The following PUM2 variants were observed in gnomAD, a reference collection of about 807,000 sequenced individuals.
The protein encoded by PUM2 is pumilio homolog 2.
Under a neutral mutation model 124.5 loss-of-function variants are expected in PUM2, and 57 were observed. The ratio of observed to expected loss-of-function variants is 0.46; its 90% confidence interval spans 0.37 to 0.57. The LOEUF (loss-of-function observed/expected upper bound fraction) is 0.57. Ranked by LOEUF, PUM2 falls within the 20% of genes least tolerant of loss-of-function variation. The pLI is 0.00. For missense variants in PUM2, 1,065 were observed against 1,290.6 expected (o/e 0.83, Z 2.68); for synonymous variants, 460 against 446.1 (o/e 1.03, Z -0.39).
intron 1 of PUM2, among the ~76,000 whole-genome samples, chr2:20,348,166 T>C (rs1178387607): frequency 6.7e-6 from 1 of 150,000 alleles, no homozygotes; most frequent in African/African-American, 2.5e-5. Flanking sequence ...ATATTAAAAA[T>C]TAATAATAAT....
chr2:20,257,691 T>C (rs1665145972), intron 16 of PUM2, among the ~76,000 whole-genome samples: 1 of 152,202 alleles, frequency 6.6e-6, no homozygotes, highest in Non-Finnish European at 1.5e-5. Flanking sequence ...TGATCAACAA[T>C]TCCTTTATTA....
intron 13 of PUM2, among the ~76,000 whole-genome samples, chr2:20,277,019 A>T (rs1417106932): frequency 1.3e-5 from 2 of 152,108 alleles, no homozygotes; most frequent in East Asian, 3.9e-4. Flanking sequence ...CTGTTCAATC[A>T]TAGAGACATC....
chr2:20,289,334 G>T (rs147629947), intron 10 of PUM2, among the ~76,000 whole-genome samples: 24 of 152,100 alleles, frequency 1.6e-4, no homozygotes, highest in African/African-American at 5.5e-4. Context: ...TCCTCTCTCC[G>T]TTCTACATAT....
chr2:20,302,390 T>G (rs1677211991), intron 7 of PUM2, among the ~76,000 whole-genome samples: 1 of 152,230 alleles, frequency 6.6e-6, no homozygotes, highest in Non-Finnish European at 1.5e-5. Context: ...TTTAAAAATT[T>G]TGTTTTAATC....
intron 14 of PUM2, among the ~76,000 whole-genome samples, chr2:20,261,729 T>C (rs1220729115): frequency 6.6e-6 from 1 of 152,234 alleles, no homozygotes; most frequent in Admixed American, 6.5e-5. Flanking sequence ...GTGTCTTAGT[T>C]CTTAACAAAA....
chr2:20,306,982 G>C (rs953664515), intron 7 of PUM2, among the ~76,000 whole-genome samples: 1 of 151,816 alleles, frequency 6.6e-6, no homozygotes, highest in Admixed American at 6.6e-5. Context: ...GGGAGGCCGA[G>C]GGGGGGCTGA....
At chr2:20,282,892 C>T in intron 12 of PUM2, 55 bp downstream of exon 12, 6 of 1,511,276 alleles carry the variant, frequency 4.0e-6, no homozygotes, top group Non-Finnish European at 4.5e-6. Context: ...ATGTTAAACA[C>T]ACTCATATAC....
intron 10 of PUM2, among the ~76,000 whole-genome samples, chr2:20,287,588 A>G (rs1487604489): frequency 1.3e-5 from 2 of 152,194 alleles, no homozygotes; most frequent in Non-Finnish European, 2.9e-5. Flanking sequence ...TAGTGCATTA[A>G]AGCACAGGAC....
At chr2:20,294,539 C>A in intron 8 of PUM2, 21 bp from the exon 9 acceptor site, 2 of 1,570,654 alleles carry the variant, frequency 1.3e-6, no homozygotes, top group Non-Finnish European at 1.7e-6. Context: ...CACCCGACCC[C>A]CGAATAAAAA....
At chr2:20,327,229 G>C (rs1474169280) in intron 2 of PUM2, 81 bp downstream of exon 2, 1 of 928,084 alleles carries the variant, frequency 1.1e-6, no homozygotes. Flanking sequence ...TCCAGGAAGG[G>C]AGATGGTTAA....
rs1291572191 is a variant in PUM2, at chr2:20,271,777, T to C, written c.1957+6806A>G. On this transcript the variant is annotated intron_variant, in intron 13 of 20. Coordinates refer to ENST00000361078, the MANE Select transcript of PUM2 (RefSeq NM_015317.5). ...CACAAAGTCACAATAGGTTAAATTA[T>C]ATTTTACTACAATTTTATAAAAAGT... Among the ~76,000 whole-genome samples the C allele has an allele frequency of 3.9e-5, 6 of 152,230 alleles. No homozygotes were observed. In the East Asian group the frequency reaches 5.8e-4, roughly 15 times the overall value.
chr2:20,351,420 C>G (rs1239533015), upstream of PUM2, among the ~76,000 whole-genome samples: 1 of 152,202 alleles, frequency 6.6e-6, no homozygotes, highest in Non-Finnish European at 1.5e-5. Flanking sequence ...TGGTTGCACC[C>G]CAGGCAGGTG....
At chr2:20,270,000 T>G (rs888335952) in intron 13 of PUM2, among the ~76,000 whole-genome samples, 1 of 152,160 alleles carries the variant, frequency 6.6e-6, no homozygotes, top group Non-Finnish European at 1.5e-5. Context: ...TCAATTTCCA[T>G]TACCCTATCA....
intron 13 of PUM2, among the ~76,000 whole-genome samples, chr2:20,263,919 T>G (rs1244184235): frequency 6.6e-6 from 1 of 152,202 alleles, no homozygotes; most frequent in Non-Finnish European, 1.5e-5. Flanking sequence ...TCATATATAC[T>G]TCTATGTAAA....
intron 7 of PUM2, among the ~76,000 whole-genome samples, chr2:20,302,041 T>C (rs567024622): frequency 5.3e-5 from 8 of 152,328 alleles, no homozygotes; most frequent in African/African-American, 1.9e-4. Flanking sequence ...CATTACTATA[T>C]CCTTAAAAAA....
At chr2:20,303,224 G>C (rs1677411784) in intron 7 of PUM2, among the ~76,000 whole-genome samples, 1 of 152,134 alleles carries the variant, frequency 6.6e-6, no homozygotes, top group Non-Finnish European at 1.5e-5. Flanking sequence ...ATCAGGCAGT[G>C]AGTGCTTCTG....
chr2:20,275,960 T>A (rs552553970), intron 13 of PUM2, among the ~76,000 whole-genome samples: 1 of 152,150 alleles, frequency 6.6e-6, no homozygotes, highest in African/African-American at 2.4e-5. Flanking sequence ...TTAGGGAGAT[T>A]AGAGTTAATA....
chr2:20,336,748 C>CTGTGTGTGTGTG lies in PUM2; in HGVS notation c.-18-9382_-18-9371dup, dbSNP rs70939037. Among the ~76,000 whole-genome samples the CTGTGTGTGTGTG allele has an allele frequency of 6.1e-4, 59 of 97,496 alleles. 1 individual carries two copies. The highest frequency in any genetic ancestry group is 1.8e-3 in the African/African-American group (41 of 23,150). The allele number at this position is 97,496 out of a possible 152,430, so 64.0% of individuals were successfully genotyped here. On this transcript the variant is annotated intron_variant, in intron 1 of 20. Transcript: ENST00000361078. ...GTCTCACCATGTTGCCCAGGCTGAT[C>CTGTGTGTGTGTG]TGTGTGTGTGTGTGTGTGTGTGTGT... is the stretch of plus-strand genomic sequence containing the variant.
At chr2:20,336,801 T>TGG (rs1553408355) in intron 1 of PUM2, among the ~76,000 whole-genome samples, 5 of 126,344 alleles carry the variant, frequency 4.0e-5, no homozygotes, top group Admixed American at 8.8e-5. Context: ...TGTGTGTGTG[T>TGG]GGTACAGACG....
Sources: allele counts gnomAD v4.1 joint callset (sites outside exome capture counted in the v4.1 genomes callset), GRCh38; gene constraint gnomAD v4.1.1; transcripts MANE v1.5; gene names NCBI Gene and HGNC (gene_info 2026-07-23, HGNC 2026-07-21).